The following LRBA variants were observed in gnomAD, a reference collection of about 807,000 sequenced individuals.
LRBA encodes the protein LPS responsive beige-like anchor protein.
Under a neutral mutation model 330.0 loss-of-function variants are expected in LRBA, and 176 were observed. That is an observed-to-expected ratio of 0.53 (90% CI 0.47 to 0.60). The LOEUF is 0.60. LRBA is among the 20% of genes least tolerant of loss of function. LRBA has a pLI of 0.00. For missense variants in LRBA, 3,259 were observed against 3,444.8 expected (o/e 0.95, Z 1.35); for synonymous variants, 1,230 against 1,193.0 (o/e 1.03, Z -0.64).
intron 37 of LRBA, among the ~76,000 whole-genome samples, chr4:150,615,527 T>A (rs781115683): frequency 5.3e-5 from 8 of 151,966 alleles, no homozygotes; most frequent in Non-Finnish European, 7.4e-5. Flanking sequence ...TGCTAACAGA[T>A]CATATATGGG....
At chr4:150,415,342 G>T in intron 47 of LRBA, 96 bp downstream of exon 47, 2 of 1,064,414 alleles carry the variant, frequency 1.9e-6, no homozygotes, top group Non-Finnish European at 2.7e-6. Context: ...CTACAGCTTT[G>T]TCCAGAAGAG....
intron 47 of LRBA, among the ~76,000 whole-genome samples, chr4:150,379,484 G>C: frequency 6.6e-6 from 1 of 152,076 alleles, no homozygotes; most frequent in African/African-American, 2.4e-5. Flanking sequence ...TCAGGTTATA[G>C]GTTCAATCCC....
rs1191220012 is a variant in LRBA at position 150,928,970 on chromosome 4, A to G, written c.312T>C (p.Ile104=). The G allele has an allele frequency of 6.2e-7, 1 of 1,613,830 alleles. No homozygotes were observed. Among genetic ancestry groups the G allele is most frequent in the African/African-American group, 1.3e-5 (1 of 74,978 alleles). ...CMVDLLEKCD[I]TCQAEVWSMF... ...TGCTCCAGACTTCTGCTTGGCACGT[A>G]ATGTCACATTTTTCCAGTAGGTCCA... The change falls in exon 3 of 57, where the codon ATT becomes ATC. Residue 104 remains isoleucine, a synonymous_variant. Transcript: ENST00000651943.
intron 47 of LRBA, among the ~76,000 whole-genome samples, chr4:150,392,172 C>T (rs1744068332): frequency 1.3e-5 from 2 of 152,102 alleles, no homozygotes; most frequent in Non-Finnish European, 2.9e-5. Flanking sequence ...TTTCTCAGTT[C>T]TTCATCTTTG....
At chr4:150,295,475 G>A (rs967364290) in intron 53 of LRBA, among the ~76,000 whole-genome samples, 2 of 152,102 alleles carry the variant, frequency 1.3e-5, no homozygotes, top group East Asian at 1.9e-4. Context: ...AGGATTATAG[G>A]CATGAGCCAC....
In LRBA at chr4:150,648,158, C is replaced by CAAAAAAAAAAAAAAAAAAAAAAAAA; in HGVS notation, c.5921+35392_5921+35393insTTTTTTTTTTTTTTTTTTTTTTTTT. On this transcript the variant is annotated intron_variant, in intron 37 of 56. Coordinates refer to ENST00000651943, the MANE Select transcript of LRBA (RefSeq NM_001364905.1). ...TCAGAAGAGAAAGGAACACAAGTAG[C>CAAAAAAAAAAAAAAAAAAAAAAAAA]AAAAAAAAAAAAAAAAAAACTAGAA... Among the ~76,000 whole-genome samples, 54 of 18,092 alleles carry CAAAAAAAAAAAAAAAAAAAAAAAAA rather than the reference C, an allele frequency of 3.0e-3. 8 individuals carry two copies. Among genetic ancestry groups the CAAAAAAAAAAAAAAAAAAAAAAAAA allele is most frequent in the East Asian group, 0.01 (4 of 388 alleles). The allele number at this position is 18,092 out of a possible 152,430, so 11.9% of individuals were successfully genotyped here. A position where few individuals can be genotyped will look rare whatever the true frequency, so the allele number is the denominator to read the frequency against.
intron 56 of LRBA, among the ~76,000 whole-genome samples, chr4:150,272,252 T>A (rs935007807): frequency 3.9e-5 from 6 of 152,032 alleles, no homozygotes; most frequent in Non-Finnish European, 8.8e-5. Flanking sequence ...GAAGGAAAAC[T>A]AACAAACAGG....
chr4:150,764,650 T>C lies in LRBA; in HGVS notation c.5581-2803A>G, dbSNP rs1029752567. ...CTTTGACACCTCACCAAAGAAGATATACAAATGGCAAATAAGCATATGAAA... is the reference window on the plus strand; with the variant it reads ...CTTTGACACCTCACCAAAGAAGATACACAAATGGCAAATAAGCATATGAAA... On this transcript the variant is annotated intron_variant, in intron 34 of 56. Coordinates refer to ENST00000651943, the MANE Select transcript of LRBA (RefSeq NM_001364905.1). Among the ~76,000 whole-genome samples, 7 of 151,942 alleles carry C rather than the reference T, an allele frequency of 4.6e-5. No homozygotes were observed. The South Asian group carries it at 8.3e-4, about 18-fold the overall frequency.
intron 47 of LRBA, among the ~76,000 whole-genome samples, chr4:150,414,900 C>T (rs558576425): frequency 1.3e-5 from 2 of 152,238 alleles, no homozygotes; most frequent in Admixed American, 6.5e-5. Flanking sequence ...TAATACTGAA[C>T]CCAGATAATG....
At chr4:150,764,392 G>A (rs969003358) in intron 34 of LRBA, among the ~76,000 whole-genome samples, 1 of 151,830 alleles carries the variant, frequency 6.6e-6, no homozygotes, top group Non-Finnish European at 1.5e-5. Context: ...CATCTATATA[G>A]AAAATCTTAA....
At chr4:150,327,287 G>C (rs900076713) in intron 48 of LRBA, among the ~76,000 whole-genome samples, 1 of 152,098 alleles carries the variant, frequency 6.6e-6, no homozygotes, top group Non-Finnish European at 1.5e-5. Context: ...GGGTGTGCTG[G>C]TGTGTGCCTC....
chr4:150,958,490 C>A (rs1185678172), intron 2 of LRBA, among the ~76,000 whole-genome samples: 1 of 149,268 alleles, frequency 6.7e-6, no homozygotes, highest in Admixed American at 6.6e-5. Context: ...TCTGTGAAGA[C>A]CTCTGACATG....
intron 46 of LRBA, among the ~76,000 whole-genome samples, chr4:150,432,688 G>T (rs889064236): frequency 6.6e-6 from 1 of 151,402 alleles, no homozygotes; most frequent in African/African-American, 2.4e-5. Flanking sequence ...CTCGTGATCC[G>T]CCCGCCTCGG....
rs184111093 is a variant in LRBA, at chr4:150,537,224, C to T, written c.6331-46189G>A. On this transcript the variant is annotated intron_variant, in intron 40 of 56. Transcript: ENST00000651943. ...AAAAGTTGACAAAGATAAGCAATGGCGAAAGGACTGCCTATTTAATAAATA... is the reference window on the plus strand; with the variant it reads ...AAAAGTTGACAAAGATAAGCAATGGTGAAAGGACTGCCTATTTAATAAATA... 1.3e-3 allele frequency among the ~76,000 whole-genome samples: 205 copies of T among 152,170 alleles called. 4 individuals carry two copies. The highest frequency in any genetic ancestry group is 4.3e-3 in the African/African-American group (178 of 41,532).
intron 1 of LRBA, 89 bp from the exon 2 acceptor site, chr4:151,014,950 G>C (rs570547256): frequency 3.8e-6 from 1 of 265,518 alleles, no homozygotes; most frequent in Non-Finnish European, 7.2e-6. Flanking sequence ...TGTCGGTCAA[G>C]TAAGTTACTA....
chr4:150,371,613 G>T (rs1428517398), intron 47 of LRBA, among the ~76,000 whole-genome samples: 1 of 152,082 alleles, frequency 6.6e-6, no homozygotes, highest in Admixed American at 6.6e-5. Flanking sequence ...CAGTCTAATG[G>T]AGACACAGGA....
chr4:150,672,570 T>A (rs1263165252), intron 37 of LRBA, among the ~76,000 whole-genome samples: 1 of 152,080 alleles, frequency 6.6e-6, no homozygotes. Flanking sequence ...TTTATTTTTT[T>A]TAATTTTTTG....
At chr4:150,586,015 A>G (rs925053142) in intron 40 of LRBA, among the ~76,000 whole-genome samples, 3 of 152,110 alleles carry the variant, frequency 2.0e-5, no homozygotes, top group Non-Finnish European at 4.4e-5. Context: ...CACTCTTTCA[A>G]CTCAACCTCT....
intron 37 of LRBA, among the ~76,000 whole-genome samples, chr4:150,662,930 C>T (rs1043709922): frequency 6.6e-6 from 1 of 152,110 alleles, no homozygotes; most frequent in African/African-American, 2.4e-5. Context: ...GCACTCCAAC[C>T]TGGGTGAGAG....
Sources: gnomAD v4.1 joint callset for allele counts (sites outside exome capture counted in the v4.1 genomes callset) on GRCh38, gnomAD v4.1.1 for gene constraint, MANE v1.5 for transcripts, NCBI Gene and HGNC (gene_info 2026-07-23, HGNC 2026-07-21) for gene names.